The following CNTN3 variants were observed in gnomAD, a reference collection of about 807,000 sequenced individuals.
The protein encoded by CNTN3 is contactin-3.
A neutral mutation model predicts 119.1 loss-of-function variants in CNTN3; 60 were observed. The observed-to-expected ratio is 0.50, with a 90% confidence interval of 0.41 to 0.62. CNTN3 has a LOEUF of 0.62. Ranked by LOEUF, CNTN3 falls within the 20% of genes least tolerant of loss-of-function variation. CNTN3 has a pLI of 0.00. For missense variants in CNTN3, 1,101 were observed against 1,242.4 expected (o/e 0.89, Z 1.71); for synonymous variants, 450 against 438.7 (o/e 1.03, Z -0.32).
At chr3:74,399,948 T>TA (rs1705152340) in intron 5 of CNTN3, among the ~76,000 whole-genome samples, 1 of 152,178 alleles carries the variant, frequency 6.6e-6, no homozygotes, top group African/African-American at 2.4e-5. Context: ...GCAACCATGG[T>TA]GTCTTACTGA....
chr3:74,404,802 A>T (rs1013212266), intron 5 of CNTN3, among the ~76,000 whole-genome samples: 1 of 151,712 alleles, frequency 6.6e-6, no homozygotes, highest in East Asian at 1.9e-4. Flanking sequence ...AAAAAAAAAT[A>T]GTCTATTTAA....
chr3:74,350,032 A>C (rs1703778527), intron 11 of CNTN3, among the ~76,000 whole-genome samples: 1 of 152,218 alleles, frequency 6.6e-6, no homozygotes, highest in Non-Finnish European at 1.5e-5. Context: ...TATGATCCAT[A>C]AAACCAAATT....
intron 4 of CNTN3, among the ~76,000 whole-genome samples, chr3:74,450,879 T>C (rs1426950945): frequency 6.6e-6 from 1 of 152,122 alleles, no homozygotes; most frequent in East Asian, 1.9e-4. Flanking sequence ...TCCATGGTGT[T>C]ATCTGTGCCA....
At chr3:74,318,672 A>G (rs1702899484) in intron 13 of CNTN3, among the ~76,000 whole-genome samples, 1 of 152,082 alleles carries the variant, frequency 6.6e-6, no homozygotes, top group South Asian at 2.1e-4. Flanking sequence ...AGAACAGTGG[A>G]TCTTGGTGAA....
At chr3:74,288,049 G>T (rs532544662) in intron 19 of CNTN3, among the ~76,000 whole-genome samples, 1 of 151,840 alleles carries the variant, frequency 6.6e-6, no homozygotes, top group African/African-American at 2.4e-5. Flanking sequence ...TTCTTTGCCC[G>T]ATTGCAGGGA....
chr3:74,462,934 A>C (rs543848774), intron 4 of CNTN3, among the ~76,000 whole-genome samples: 1 of 151,996 alleles, frequency 6.6e-6, no homozygotes, highest in East Asian at 1.9e-4. Flanking sequence ...ATCTCTTCCT[A>C]CTCTGTGCTT....
intron 5 of CNTN3, among the ~76,000 whole-genome samples, chr3:74,403,712 A>G (rs370545707): frequency 8.5e-5 from 13 of 152,146 alleles, no homozygotes; most frequent in African/African-American, 3.1e-4. Flanking sequence ...GCCTATTCAA[A>G]GTGATCATGA....
chr3:74,419,506 C>T (rs1701584043), intron 5 of CNTN3, among the ~76,000 whole-genome samples: 1 of 152,216 alleles, frequency 6.6e-6, no homozygotes, highest in East Asian at 1.9e-4. Context: ...GCAATTTTTA[C>T]CATAATGTCA....
intron 3 of CNTN3, among the ~76,000 whole-genome samples, chr3:74,498,848 GTC>G (rs936124525): frequency 2.9e-4 from 44 of 151,872 alleles, no homozygotes; most frequent in Admixed American, 7.2e-4. Context: ...TTTTAAAGGT[GTC>G]TTGAATACTT....
At chr3:74,598,631 G>C (rs553018084) in intron 1 of CNTN3, among the ~76,000 whole-genome samples, 24 of 152,080 alleles carry the variant, frequency 1.6e-4, no homozygotes, top group African/African-American at 5.5e-4. Context: ...GAAAGTTACT[G>C]TGTCCTTTAA....
At chr3:74,273,022 A>G (rs1701812456) in intron 20 of CNTN3, among the ~76,000 whole-genome samples, 1 of 152,192 alleles carries the variant, frequency 6.6e-6, no homozygotes, top group Non-Finnish European at 1.5e-5. Context: ...ATATTAATAG[A>G]AAAGGTTGGA....
At chr3:74,318,631 GCAGCGGTGGCTGCAGAA>G (rs1238044100) in intron 13 of CNTN3, among the ~76,000 whole-genome samples, 3 of 152,162 alleles carry the variant, frequency 2.0e-5, no homozygotes, top group Admixed American at 1.3e-4. Context: ...CTGGGTATCA[GCAGCGGTGGCTGCAGAA>G]CAGCGGTGGC....
chr3:74,489,304 G>A (rs1702918106), intron 3 of CNTN3, among the ~76,000 whole-genome samples: 1 of 151,952 alleles, frequency 6.6e-6, no homozygotes, highest in African/African-American at 2.4e-5. Context: ...AAGTAACCAT[G>A]GACTGCCTAC....
chr3:74,461,586 A>G (rs1011854358), intron 4 of CNTN3, among the ~76,000 whole-genome samples: 2 of 152,068 alleles, frequency 1.3e-5, no homozygotes, highest in African/African-American at 4.8e-5. Context: ...TAAAATTGAT[A>G]AGTAGGTTCA....
In CNTN3 at chr3:74,501,820, T is replaced by C. The variant is rs572776782; in HGVS notation, c.56-2035A>G. Among the ~76,000 whole-genome samples, 189 of 152,212 alleles carry C rather than the reference T, an allele frequency of 1.2e-3. 1 individual carries two copies. The highest frequency in any genetic ancestry group is 2.0e-3 in the Non-Finnish European group (134 of 68,010). On this transcript the variant is annotated intron_variant, in intron 2 of 22. Coordinates refer to ENST00000263665, the MANE Select transcript of CNTN3 (RefSeq NM_020872.3). ...AAAAAAAAGCTTCCGTTTCCCTTTTTAGGAAAGAGCAACTTCCAGAAGAAA... is the reference window on the plus strand; with the variant it reads ...AAAAAAAAGCTTCCGTTTCCCTTTTCAGGAAAGAGCAACTTCCAGAAGAAA...
chr3:74,546,474 A>G (rs1257137963), intron 1 of CNTN3, among the ~76,000 whole-genome samples: 1 of 152,200 alleles, frequency 6.6e-6, no homozygotes, highest in Non-Finnish European at 1.5e-5. Flanking sequence ...GGTGGGCACA[A>G]TCTAATCAGC....
chr3:74,483,385 AT>A (rs1307207057), intron 4 of CNTN3, among the ~76,000 whole-genome samples: 1 of 152,016 alleles, frequency 6.6e-6, no homozygotes, highest in Non-Finnish European at 1.5e-5. Flanking sequence ...AAAATGAATA[AT>A]TTCTATTGGG....
At chr3:74,324,584 A>C (rs1703084404) in intron 13 of CNTN3, among the ~76,000 whole-genome samples, 1 of 152,148 alleles carries the variant, frequency 6.6e-6, no homozygotes, top group Non-Finnish European at 1.5e-5. Flanking sequence ...GTTTTCTTTA[A>C]ATATCTGTAT....
chr3:74,405,802 A>T (rs1256344266), intron 5 of CNTN3, among the ~76,000 whole-genome samples: 1 of 152,074 alleles, frequency 6.6e-6, no homozygotes, highest in Admixed American at 6.6e-5. Flanking sequence ...AGTATCCAAG[A>T]AGACTATCCA....
Sources: gnomAD v4.1 joint callset for allele counts (sites outside exome capture counted in the v4.1 genomes callset) on GRCh38, gnomAD v4.1.1 for gene constraint, MANE v1.5 for transcripts, NCBI Gene and HGNC (gene_info 2026-07-23, HGNC 2026-07-21) for gene names.